Variants in ADIPOR2 observed in about 807,000 individuals in gnomAD.
ADIPOR2 encodes adiponectin receptor 2, also known as adiponectin receptor protein 2.
A neutral mutation model predicts 40.9 loss-of-function variants in ADIPOR2; 18 were observed. The observed-to-expected ratio is 0.44, with a 90% CI of 0.30 to 0.65. The LOEUF is 0.65. Ranked by LOEUF, ADIPOR2 falls within the 30% of genes least tolerant of loss-of-function variation. The pLI is 0.09. For synonymous variants in ADIPOR2, 165 were observed against 166.4 expected, an observed-to-expected ratio of 0.99 and a Z score of 0.06; for missense variants, 283 against 479.2, an observed-to-expected ratio of 0.59 and a Z score of 3.82.
chr12:1,778,033 A>G lies in ADIPOR2; in HGVS notation c.463+8A>G. 1 of 1,608,694 alleles carries G rather than the reference A, an allele frequency of 6.2e-7. No homozygotes were observed. The highest frequency in any genetic ancestry group is 1.3e-5 in the African/African-American group (1 of 74,776). ...TTTGGACACATCTCTTAGGTATGTA[A>G]TGTCAGTGATGTAATGAGCTGGTGA... is the stretch of plus-strand genomic sequence containing the variant. On this transcript the variant is annotated splice_region_variant and intron_variant, in intron 4 of 7. Coordinates refer to ENST00000357103, the MANE Select transcript of ADIPOR2 (RefSeq NM_024551.3).
At chr12:1,701,492 T>C (rs1049901119) in intron 1 of ADIPOR2, among the ~76,000 whole-genome samples, 6 of 152,206 alleles carry the variant, frequency 3.9e-5, no homozygotes, top group African/African-American at 1.4e-4. Context: ...AGTATTGCTT[T>C]GCATATTTTC....
chr12:1,691,463 C>G (rs1473080821), intron 1 of ADIPOR2, among the ~76,000 whole-genome samples: 4 of 152,188 alleles, frequency 2.6e-5, no homozygotes, highest in African/African-American at 9.6e-5. Flanking sequence ...CCGCTGTTCC[C>G]CTCGCCTCGC....
intron 1 of ADIPOR2, among the ~76,000 whole-genome samples, chr12:1,703,528 G>C (rs952797753): frequency 6.6e-6 from 1 of 152,058 alleles, no homozygotes; most frequent in Non-Finnish European, 1.5e-5. Flanking sequence ...TTGAGCCCAA[G>C]GGTTCGAGAC....
intron 1 of ADIPOR2, among the ~76,000 whole-genome samples, chr12:1,747,673 T>C (rs1327572498): frequency 6.6e-6 from 1 of 152,122 alleles, no homozygotes; most frequent in African/African-American, 2.4e-5. Flanking sequence ...TTTTGAAATG[T>C]AGTTTTGCTA....
intron 1 of ADIPOR2, among the ~76,000 whole-genome samples, chr12:1,738,046 G>A (rs896607402): frequency 3.3e-5 from 5 of 151,966 alleles, no homozygotes; most frequent in African/African-American, 1.2e-4. Context: ...TGATTTTAAT[G>A]TGTTACTCTC....
At chr12:1,728,174 G>A (rs11061949) in intron 1 of ADIPOR2, among the ~76,000 whole-genome samples, 6,533 of 151,180 alleles carry the variant, frequency 0.043, 235 homozygotes, top group East Asian at 0.17. Context: ...GTGCAGTGGC[G>A]CGATCTCAGC....
chr12:1,739,321 T>C (rs1320981717), intron 1 of ADIPOR2, among the ~76,000 whole-genome samples: 2 of 152,244 alleles, frequency 1.3e-5, no homozygotes, highest in Non-Finnish European at 2.9e-5. Context: ...GCTTCTAGTC[T>C]AGCCAGTGGG....
At chr12:1,700,014 A>G (rs1311188968) in intron 1 of ADIPOR2, among the ~76,000 whole-genome samples, 2 of 152,250 alleles carry the variant, frequency 1.3e-5, no homozygotes, top group Non-Finnish European at 2.9e-5. Context: ...GGCATGGGAA[A>G]AATAACTGGA....
At chr12:1,729,646 G>GT (rs58714863) in intron 1 of ADIPOR2, among the ~76,000 whole-genome samples, 77,304 of 118,828 alleles carry the variant, frequency 0.65, 24,527 homozygotes, top group Non-Finnish European at 0.69. Flanking sequence ...TTTTTTGAGT[G>GT]TTTTTTTTTG....
chr12:1,741,302 A>G (rs536837315), intron 1 of ADIPOR2, among the ~76,000 whole-genome samples: 3 of 152,320 alleles, frequency 2.0e-5, no homozygotes, highest in South Asian at 4.1e-4. Context: ...GGGGATTATC[A>G]AAGTATTGTA....
intron 5 of ADIPOR2, 41 bp downstream of exon 5, chr12:1,780,678 A>G: frequency 6.7e-7 from 1 of 1,494,308 alleles, no homozygotes; most frequent in South Asian, 1.3e-5. Flanking sequence ...AATGATTTAG[A>G]GGTAGTGCGT....
chr12:1,704,289 T>C (rs558349504), intron 1 of ADIPOR2, among the ~76,000 whole-genome samples: 2 of 152,112 alleles, frequency 1.3e-5, no homozygotes, highest in Non-Finnish European at 2.9e-5. Flanking sequence ...AGTGATATGA[T>C]TGGTGGATGA....
intron 1 of ADIPOR2, chr12:1,695,921 T>TA: frequency 6.6e-6 from 1 of 152,556 alleles, no homozygotes; most frequent in Non-Finnish European, 1.5e-5. Context: ...CTTATTTTTT[T>TA]TGACGGGACA....
chr12:1,759,564 A>G (rs1862225058), intron 2 of ADIPOR2, among the ~76,000 whole-genome samples: 1 of 152,234 alleles, frequency 6.6e-6, no homozygotes, highest in Non-Finnish European at 1.5e-5. Context: ...ATTTACCGCC[A>G]GGTTTCTTTA....
chr12:1,749,436 A>G (rs2094764135), intron 1 of ADIPOR2, among the ~76,000 whole-genome samples: 1 of 152,244 alleles, frequency 6.6e-6, no homozygotes. Flanking sequence ...TTATAATGAA[A>G]GACTGGAATA....
intron 4 of ADIPOR2, 130 bp downstream of exon 4, chr12:1,778,155 G>T (rs1197263961): frequency 2.7e-6 from 3 of 1,111,090 alleles, no homozygotes; most frequent in African/African-American, 3.3e-5. Flanking sequence ...AATTTCTAAT[G>T]ATGAATTTTC....
At chr12:1,783,384 T>C (rs563439184) in intron 6 of ADIPOR2, among the ~76,000 whole-genome samples, 12 of 151,086 alleles carry the variant, frequency 7.9e-5, no homozygotes, top group African/African-American at 2.9e-4. Flanking sequence ...AAGCCTCTCT[T>C]AGTGAGGCTC....
At chr12:1,720,738 G>C (rs993850606) in intron 1 of ADIPOR2, among the ~76,000 whole-genome samples, 1 of 152,152 alleles carries the variant, frequency 6.6e-6, no homozygotes, top group African/African-American at 2.4e-5. Context: ...AACAGGCTAT[G>C]GAATTGGCTT....
At chr12:1,698,968 G>A (rs1021616909) in intron 1 of ADIPOR2, among the ~76,000 whole-genome samples, 2 of 152,174 alleles carry the variant, frequency 1.3e-5, no homozygotes, top group African/African-American at 4.8e-5. Flanking sequence ...TTCTTTTAAA[G>A]TTGATTTACG....
Sources: allele counts gnomAD v4.1 joint callset (sites outside exome capture counted in the v4.1 genomes callset), GRCh38; gene constraint gnomAD v4.1.1; transcripts MANE v1.5; gene names NCBI Gene and HGNC (gene_info 2026-07-23, HGNC 2026-07-21).